CFAP299: variants seen among roughly 807,000 people sequenced by gnomAD.
CFAP299 encodes cilia- and flagella-associated protein 299.
In CFAP299, 21 loss-of-function variants were observed where a neutral mutation model predicts 27.0. The observed-to-expected ratio is 0.78, with a 90% confidence interval of 0.55 to 1.12. The LOEUF is 1.12. Ranked by LOEUF, CFAP299 falls within the 50% of genes most tolerant of loss-of-function variation. CFAP299 has a pLI of 0.00. For missense variants in CFAP299, 310 were observed against 276.6 expected (o/e 1.12, Z -0.86); for synonymous variants, 104 against 98.1 (o/e 1.06, Z -0.36).
rs139109070 is a variant in CFAP299, at chr4:80,392,041, A to G, written c.242+29157A>G. Among the ~76,000 whole-genome samples the G allele has an allele frequency of 1.9e-3, 286 of 152,320 alleles. 1 individual carries two copies. The highest frequency in any genetic ancestry group is 6.6e-3 in the African/African-American group (273 of 41,576). On this transcript the variant is annotated intron_variant, in intron 2 of 5. Coordinates refer to ENST00000358105, the MANE Select transcript of CFAP299 (RefSeq NM_152770.3). ...GGAGGTCATTTTGGAAATTTAAGAT[A>G]TGACTTCCCTATTGGATTTCTGACT...
intron 3 of CFAP299, among the ~76,000 whole-genome samples, chr4:80,669,179 G>T (rs74886827): frequency 6.6e-5 from 1 of 15,134 alleles, no homozygotes; most frequent in Non-Finnish European, 1.2e-4. Flanking sequence ...TTTTTTTTTT[G>T]AGACTAAGTC....
At chr4:80,505,150 G>C (rs1457687566) in intron 2 of CFAP299, among the ~76,000 whole-genome samples, 1 of 150,704 alleles carries the variant, frequency 6.6e-6, no homozygotes, top group African/African-American at 2.4e-5. Context: ...ATATATAAAT[G>C]ATACATATAA....
chr4:80,438,406 A>G (rs550775331), intron 2 of CFAP299, among the ~76,000 whole-genome samples: 17 of 152,318 alleles, frequency 1.1e-4, no homozygotes, highest in African/African-American at 3.8e-4. Context: ...CAGCTTCCAA[A>G]TGTCATCCCA....
chr4:80,622,698 T>C (rs2109933764), intron 3 of CFAP299, among the ~76,000 whole-genome samples: 1 of 152,286 alleles, frequency 6.6e-6, no homozygotes, highest in East Asian at 1.9e-4. Flanking sequence ...AGAAAACCTA[T>C]AAGATTTATC....
At chr4:80,866,506 A>C (rs1294551794) in intron 3 of CFAP299, among the ~76,000 whole-genome samples, 1 of 152,106 alleles carries the variant, frequency 6.6e-6, no homozygotes, top group Non-Finnish European at 1.5e-5. Context: ...GCTCAGGTTT[A>C]AGCAGGATTC....
intron 3 of CFAP299, among the ~76,000 whole-genome samples, chr4:80,666,896 A>T (rs1045888340): frequency 2.0e-5 from 3 of 152,148 alleles, no homozygotes; most frequent in Admixed American, 6.5e-5. Context: ...AAGGATAAAG[A>T]ATGATTAAAC....
At chr4:80,822,910 CT>C (rs928137617) in intron 3 of CFAP299, among the ~76,000 whole-genome samples, 3 of 151,532 alleles carry the variant, frequency 2.0e-5, no homozygotes, top group South Asian at 2.1e-4. Flanking sequence ...GTTTTTGTCT[CT>C]TTTTTTTTCT....
In CFAP299 at chr4:80,752,808, G is replaced by T. The variant is rs1725011736; in HGVS notation, c.334-117185G>T. Among the ~76,000 whole-genome samples, 3 of 150,900 alleles carry T rather than the reference G, an allele frequency of 2.0e-5. No homozygotes were observed. The South Asian group carries it at 6.3e-4, about 32-fold the overall frequency. On this transcript the variant is annotated intron_variant, in intron 3 of 5. Transcript: ENST00000358105. ...ATGGCCCCTTTAAATCTATTCTATT[G>T]ATTACACTAGGTTTTAAAATATAAT...
chr4:80,830,105 T>C (rs990392656), intron 3 of CFAP299, among the ~76,000 whole-genome samples: 6 of 152,086 alleles, frequency 3.9e-5, no homozygotes, highest in Non-Finnish European at 7.4e-5. Context: ...GAAAACAAAA[T>C]GCAGGCACTA....
At chr4:80,846,531 G>A (rs551080672) in intron 3 of CFAP299, among the ~76,000 whole-genome samples, 1 of 152,096 alleles carries the variant, frequency 6.6e-6, no homozygotes, top group South Asian at 2.1e-4. Flanking sequence ...TAATTTGATA[G>A]AGAAAATGAG....
intron 2 of CFAP299, among the ~76,000 whole-genome samples, chr4:80,527,901 T>C (rs903509875): frequency 5.9e-5 from 9 of 152,144 alleles, no homozygotes; most frequent in Non-Finnish European, 1.2e-4. Context: ...GAATGACTGA[T>C]ATTTTCCTGG....
intron 4 of CFAP299, among the ~76,000 whole-genome samples, chr4:80,898,892 T>C (rs1292408683): frequency 2.6e-5 from 4 of 152,062 alleles, no homozygotes; most frequent in Non-Finnish European, 5.9e-5. Flanking sequence ...GACAAAATAA[T>C]CAAGAACAGC....
intron 3 of CFAP299, chr4:80,649,150 G>A (rs567176111): frequency 1.3e-5 from 2 of 152,334 alleles, no homozygotes; most frequent in African/African-American, 4.8e-5. Flanking sequence ...AGAGCAGAAA[G>A]TATTACAGAG....
At chr4:80,747,469 G>A (rs1724687612) in intron 3 of CFAP299, among the ~76,000 whole-genome samples, 1 of 152,170 alleles carries the variant, frequency 6.6e-6, no homozygotes, top group Non-Finnish European at 1.5e-5. Context: ...GTGCATGAAT[G>A]TATAAGAGAG....
chr4:80,875,223 G>A (rs1174506767), intron 4 of CFAP299, among the ~76,000 whole-genome samples: 1 of 152,114 alleles, frequency 6.6e-6, no homozygotes, highest in Non-Finnish European at 1.5e-5. Flanking sequence ...AGAAACCAGA[G>A]ATCAGCAATT....
chr4:80,692,193 A>G (rs1462687510), intron 3 of CFAP299, among the ~76,000 whole-genome samples: 1 of 152,222 alleles, frequency 6.6e-6, no homozygotes, highest in Non-Finnish European at 1.5e-5. Context: ...GGGAAAAACT[A>G]CCTTAAAGTT....
At chr4:80,807,597 A>G (rs1277679008) in intron 3 of CFAP299, among the ~76,000 whole-genome samples, 1 of 152,148 alleles carries the variant, frequency 6.6e-6, no homozygotes, top group Non-Finnish European at 1.5e-5. Context: ...CTGATCTTTA[A>G]TAAAGGTCTC....
chr4:80,756,505 A>C (rs1027150858), intron 3 of CFAP299, among the ~76,000 whole-genome samples: 4 of 152,158 alleles, frequency 2.6e-5, no homozygotes, highest in African/African-American at 9.6e-5. Flanking sequence ...TATTTACATT[A>C]TTAGGCTTTT....
intron 3 of CFAP299, among the ~76,000 whole-genome samples, chr4:80,626,681 TA>T (rs1268134900): frequency 6.6e-6 from 1 of 151,828 alleles, no homozygotes; most frequent in African/African-American, 2.4e-5. Flanking sequence ...AAGGAGATAT[TA>T]CAATTGACAC....
Sources: allele counts gnomAD v4.1 joint callset (sites outside exome capture counted in the v4.1 genomes callset), GRCh38; gene constraint gnomAD v4.1.1; transcripts MANE v1.5; gene names NCBI Gene and HGNC (gene_info 2026-07-23, HGNC 2026-07-21).